Variants in NRG1 observed in about 807,000 individuals in gnomAD.
NRG1 encodes neuregulin 1.
Under a neutral mutation model 63.8 loss-of-function variants are expected in NRG1, and 18 were observed. The observed-to-expected ratio is 0.28, with a 90% confidence interval of 0.19 to 0.42. The LOEUF (loss-of-function observed/expected upper bound fraction) is 0.42. Among genes scored for constraint, NRG1 ranks in the 10% least tolerant of loss-of-function variants. The probability of loss-of-function intolerance (pLI) is 1.00; values close to 1 mark genes in which losing one functional copy is unlikely to be tolerated. For synonymous variants in NRG1, 302 were observed against 301.3 expected, an observed-to-expected ratio of 1.00 and a Z score of -0.02; for missense variants, 762 against 814.7, an observed-to-expected ratio of 0.94 and a Z score of 0.79.
At chr8:32,440,398 A>G (rs561033245) in intron 1 of NRG1, among the ~76,000 whole-genome samples, 1 of 152,252 alleles carries the variant, frequency 6.6e-6, no homozygotes, top group African/African-American at 2.4e-5. Flanking sequence ...GGCTCAAGTG[A>G]TCTGCCCACC....
chr8:32,728,836 C>T (rs374432301), intron 6 of NRG1, among the ~76,000 whole-genome samples: 3 of 152,024 alleles, frequency 2.0e-5, no homozygotes, highest in Non-Finnish European at 2.9e-5. Flanking sequence ...GAGGCCGAGG[C>T]GGGCAGATCA....
intron 1 of NRG1, among the ~76,000 whole-genome samples, chr8:32,226,891 G>A (rs1846383022): frequency 6.6e-6 from 1 of 152,176 alleles, no homozygotes; most frequent in Non-Finnish European, 1.5e-5. Context: ...GCTCACTGCT[G>A]ATTTCTATTT....
intron 5 of NRG1, among the ~76,000 whole-genome samples, chr8:32,628,328 AT>A (rs1307931243): frequency 6.6e-6 from 1 of 152,120 alleles, no homozygotes; most frequent in African/African-American, 2.4e-5. Context: ...ATCCAGATGC[AT>A]TTTTTTCCTC....
At chr8:31,660,821 T>C (rs1199183781) in intron 1 of NRG1, among the ~76,000 whole-genome samples, 1 of 152,230 alleles carries the variant, frequency 6.6e-6, no homozygotes, top group Non-Finnish European at 1.5e-5. Flanking sequence ...GGCTTTCCTA[T>C]ATACTGTTGG....
At chr8:32,752,426 C>T (rs974097221) in intron 7 of NRG1, among the ~76,000 whole-genome samples, 1 of 152,144 alleles carries the variant, frequency 6.6e-6, no homozygotes, top group Non-Finnish European at 1.5e-5. Flanking sequence ...ACACAAAATC[C>T]GTGATACCAA....
In NRG1 at chr8:31,989,977, A is replaced by C. The variant is rs906249225; in HGVS notation, c.37+350546A>C. On this transcript the variant is annotated intron_variant, in intron 1 of 10. Transcript: ENST00000519301. ...ATCCATACAGTTATTCTATGAGAGC[A>C]TTGCAAATATAGTCAGATTAGGCTT... 2.0e-5 allele frequency among the ~76,000 whole-genome samples: 3 copies of C among 152,128 alleles called. No homozygotes were observed. In the South Asian group the frequency reaches 6.2e-4, roughly 31 times the overall value.
chr8:32,414,556 C>T (rs1182406072), intron 1 of NRG1, among the ~76,000 whole-genome samples: 1 of 152,176 alleles, frequency 6.6e-6, no homozygotes, highest in African/African-American at 2.4e-5. Flanking sequence ...TATGCATCAT[C>T]TCTGATAGAT....
chr8:32,554,738 T>C (rs1347577825), intron 1 of NRG1, among the ~76,000 whole-genome samples: 1 of 152,244 alleles, frequency 6.6e-6, no homozygotes, highest in Non-Finnish European at 1.5e-5. Context: ...TGATTATGAC[T>C]GATAAAGTGC....
chr8:31,972,328 T>C (rs1286420862), intron 1 of NRG1, among the ~76,000 whole-genome samples: 4 of 152,136 alleles, frequency 2.6e-5, no homozygotes, highest in Non-Finnish European at 5.9e-5. Context: ...TTGCTTGGAA[T>C]GACTCATCAA....
rs757782190 is a variant in NRG1 at position 32,763,839 on chromosome 8, C to G, written c.1351C>G (p.Pro451Ala). 8 of 1,613,874 alleles carry G rather than the reference C, an allele frequency of 5.0e-6. No individual in the cohort carries two copies. The Admixed American group carries it at 1.3e-4, about 27-fold the overall frequency. The change falls in exon 12 of 12, where the codon CCA becomes GCA. Residue 451 changes from proline (P) to alanine (A), a missense_variant. By Grantham distance (27) the Pro-to-Ala change is conservative. Coordinates refer to ENST00000356819, the Ensembl canonical transcript of NRG1. The stretch of plus-strand genomic sequence containing the variant: ...CAAATCGCCCCCTTCGGAAATGTCT[C>G]CACCCGTGTCCAGCATGACGGTGTC...
intron 1 of NRG1, among the ~76,000 whole-genome samples, chr8:32,301,259 C>T (rs1330120510): frequency 6.6e-6 from 1 of 151,990 alleles, no homozygotes; most frequent in Non-Finnish European, 1.5e-5. Flanking sequence ...ATTCATAGAC[C>T]CCTGAAGATA....
chr8:32,679,000 A>G (rs548349082), intron 5 of NRG1, among the ~76,000 whole-genome samples: 1 of 152,266 alleles, frequency 6.6e-6, no homozygotes, highest in Non-Finnish European at 1.5e-5. Flanking sequence ...GGCATTAAAA[A>G]AAAAGTAGCC....
chr8:32,274,499 CT>C, intron 1 of NRG1, among the ~76,000 whole-genome samples: 1 of 152,252 alleles, frequency 6.6e-6, no homozygotes, highest in Non-Finnish European at 1.5e-5. Flanking sequence ...TCTTTAATCC[CT>C]TTTTTGCTTC....
chr8:32,541,689 G>C (rs1309918047), intron 1 of NRG1, among the ~76,000 whole-genome samples: 1 of 152,110 alleles, frequency 6.6e-6, no homozygotes, highest in Non-Finnish European at 1.5e-5. Context: ...ACGTTGAAGA[G>C]GTTCTTGTGG....
chr8:31,904,304 G>A (rs995330832), intron 1 of NRG1, among the ~76,000 whole-genome samples: 2 of 152,170 alleles, frequency 1.3e-5, no homozygotes, highest in Non-Finnish European at 2.9e-5. Flanking sequence ...GAGAGTTAGA[G>A]AGTAGCTATC....
At chr8:31,829,172 C>A (rs949291343) in intron 1 of NRG1, among the ~76,000 whole-genome samples, 3 of 152,186 alleles carry the variant, frequency 2.0e-5, no homozygotes, top group African/African-American at 7.2e-5. Context: ...TGTCTTAATG[C>A]ATACATTTGC....
chr8:32,039,607 G>A (rs867399627), intron 1 of NRG1, among the ~76,000 whole-genome samples: 6 of 152,268 alleles, frequency 3.9e-5, no homozygotes, highest in Non-Finnish European at 5.9e-5. Flanking sequence ...CAACATGGGG[G>A]CTTGTCAGAA....
chr8:32,517,752 T>G (rs1588082024), intron 1 of NRG1, among the ~76,000 whole-genome samples: 1 of 152,190 alleles, frequency 6.6e-6, no homozygotes, highest in Non-Finnish European at 1.5e-5. Flanking sequence ...ATGTCATGTA[T>G]GGGACTGGCC....
chr8:32,706,092 G>A (rs1008783140), intron 5 of NRG1, among the ~76,000 whole-genome samples: 2 of 152,190 alleles, frequency 1.3e-5, no homozygotes, highest in African/African-American at 4.8e-5. Flanking sequence ...AAACTGGACT[G>A]ATAAAAATTA....
Sources: gnomAD v4.1 joint callset for allele counts (sites outside exome capture counted in the v4.1 genomes callset) on GRCh38, gnomAD v4.1.1 for gene constraint, MANE v1.5 for transcripts, NCBI Gene and HGNC (gene_info 2026-07-23, HGNC 2026-07-21) for gene names.